SEMA3A: variants seen among roughly 807,000 people sequenced by gnomAD.
SEMA3A encodes the protein semaphorin-3A.
SEMA3A carries 29 observed loss-of-function variants against 97.9 expected under a neutral mutation model. That is an observed-to-expected ratio of 0.30 (90% CI 0.22 to 0.40). SEMA3A has a LOEUF of 0.40. Among genes scored for constraint, SEMA3A ranks in the 10% least tolerant of loss-of-function variants. The probability of loss-of-function intolerance (pLI) is 1.00; values close to 1 mark genes in which losing one functional copy is unlikely to be tolerated. For synonymous variants in SEMA3A, 321 were observed against 323.7 expected (o/e 0.99, Z 0.09); for missense variants, 763 against 951.3 (o/e 0.80, Z 2.60).
chr7:84,253,601 CA>C (rs1224546567), intron 3 of SEMA3A, among the ~76,000 whole-genome samples: 2 of 151,970 alleles, frequency 1.3e-5, no homozygotes, highest in African/African-American at 4.8e-5. Context: ...ATATTTAATA[CA>C]GGGGGTGCAA....
intron 1 of SEMA3A, among the ~76,000 whole-genome samples, chr7:84,382,526 A>G (rs946911788): frequency 6.6e-6 from 1 of 151,380 alleles, no homozygotes; most frequent in African/African-American, 2.4e-5. Context: ...ACCATTTTAG[A>G]TCCTGTTTCA....
At chr7:84,229,382 A>G (rs992822891) in intron 3 of SEMA3A, among the ~76,000 whole-genome samples, 4 of 152,158 alleles carry the variant, frequency 2.6e-5, no homozygotes. Context: ...CACAGCATTT[A>G]CTAGAATCTC....
chr7:84,311,743 C>T (rs1001250481), intron 2 of SEMA3A, among the ~76,000 whole-genome samples: 16 of 151,838 alleles, frequency 1.1e-4, no homozygotes, highest in African/African-American at 3.9e-4. Flanking sequence ...AACTAAATGT[C>T]TATTAATTTA....
At chr7:84,331,930 A>G (rs1355196091) in intron 2 of SEMA3A, among the ~76,000 whole-genome samples, 2 of 152,160 alleles carry the variant, frequency 1.3e-5, no homozygotes, top group Non-Finnish European at 2.9e-5. Context: ...CCCTTTTATT[A>G]ATGAAATGTT....
chr7:84,485,333 G>A (rs954595342), intron 1 of SEMA3A, among the ~76,000 whole-genome samples: 5 of 151,842 alleles, frequency 3.3e-5, no homozygotes, highest in South Asian at 2.1e-4. Flanking sequence ...TATTTCATGG[G>A]GTAGCTGAGA....
chr7:84,011,354 A>G, intron 7 of SEMA3A, 57 bp from the exon 8 acceptor site: 1 of 1,109,554 alleles, frequency 9.0e-7, no homozygotes, highest in Non-Finnish European at 1.4e-6. Context: ...AATTTGAAAC[A>G]TTTCTATTTT....
At chr7:83,982,163 T>TA (rs569368590) in intron 13 of SEMA3A, among the ~76,000 whole-genome samples, 2 of 145,478 alleles carry the variant, frequency 1.4e-5, no homozygotes, top group South Asian at 4.3e-4. Context: ...AGCATGAAGA[T>TA]ACCTGGATTC....
intron 1 of SEMA3A, among the ~76,000 whole-genome samples, chr7:84,458,529 A>G (rs1400806102): frequency 6.6e-6 from 1 of 151,934 alleles, no homozygotes; most frequent in East Asian, 1.9e-4. Flanking sequence ...GGAATTATTT[A>G]TTTTTCAACT....
intron 1 of SEMA3A, among the ~76,000 whole-genome samples, chr7:84,477,099 A>T (rs1266071258): frequency 1.4e-5 from 2 of 146,992 alleles, no homozygotes; most frequent in Non-Finnish European, 1.5e-5. Context: ...TATATTTTTC[A>T]AAAAAAATCC....
chr7:83,980,193 A>G (rs1789333566), intron 14 of SEMA3A, among the ~76,000 whole-genome samples: 1 of 152,110 alleles, frequency 6.6e-6, no homozygotes, highest in African/African-American at 2.4e-5. Context: ...AGTAAAGGAT[A>G]TGTTTTTGAA....
intron 6 of SEMA3A, among the ~76,000 whole-genome samples, chr7:84,023,005 T>A (rs1791385321): frequency 6.6e-6 from 1 of 152,222 alleles, no homozygotes; most frequent in Admixed American, 6.5e-5. Flanking sequence ...TTCCCCTTTA[T>A]ACCTTTACCA....
chr7:84,154,526 ATT>A (rs1796775111), intron 1 of SEMA3A, among the ~76,000 whole-genome samples: 1 of 151,846 alleles, frequency 6.6e-6, no homozygotes, highest in African/African-American at 2.4e-5. Context: ...AAATACAAAA[ATT>A]AGCCGGGCAT....
intron 2 of SEMA3A, among the ~76,000 whole-genome samples, chr7:84,134,082 CA>C (rs1796050429): frequency 6.6e-6 from 1 of 151,704 alleles, no homozygotes; most frequent in South Asian, 2.1e-4. Context: ...ACAACAACAA[CA>C]AAAATATAGC....
chr7:83,995,126 C>T (rs1790156444), intron 12 of SEMA3A, among the ~76,000 whole-genome samples: 1 of 152,186 alleles, frequency 6.6e-6, no homozygotes, highest in Non-Finnish European at 1.5e-5. Context: ...AAGGAACTCC[C>T]TGACCCCTTG....
chr7:83,999,299 T>A (rs1790343287), intron 12 of SEMA3A, among the ~76,000 whole-genome samples: 1 of 152,142 alleles, frequency 6.6e-6, no homozygotes, highest in Non-Finnish European at 1.5e-5. Flanking sequence ...TTAAAATCCT[T>A]ATTAATGTAC....
intron 1 of SEMA3A, among the ~76,000 whole-genome samples, chr7:84,156,035 T>C (rs1290162157): frequency 1.3e-5 from 2 of 152,180 alleles, no homozygotes; most frequent in Non-Finnish European, 2.9e-5. Flanking sequence ...AAAGCCCTTT[T>C]TCTGAGTTAA....
Position 83,961,487 on chromosome 7 carries a change from G to A in SEMA3A, c.2200C>T (p.Arg734Trp), listed in dbSNP as rs776695769. 30 of 1,613,840 alleles carry A rather than the reference G, an allele frequency of 1.9e-5. No individual in the cohort carries two copies. The highest frequency in any genetic ancestry group is 1.8e-4 in the East Asian group (8 of 44,880). The part of the protein sequence containing the change: ...QVWKRDRKQR[R>W]QRPGHTPGNS... ...CCTGGGGTATGTCCTGGCCTTTGCC[G>A]ACGTTGTTTTCGGTCCCTTTTCCAA... The change falls in exon 17 of 17, where the codon CGG becomes TGG. Residue 734 changes from arginine (R) to tryptophan (W), a missense_variant. Transcript: ENST00000265362.
At chr7:84,227,667 G>A (rs1237542410) in intron 3 of SEMA3A, among the ~76,000 whole-genome samples, 2 of 151,996 alleles carry the variant, frequency 1.3e-5, no homozygotes, top group Non-Finnish European at 2.9e-5. Context: ...TGATGCCTGG[G>A]GTGTGGTGAG....
intron 1 of SEMA3A, among the ~76,000 whole-genome samples, chr7:84,152,576 A>C (rs931664923): frequency 2.9e-5 from 4 of 138,488 alleles, no homozygotes; most frequent in Non-Finnish European, 6.2e-5. Flanking sequence ...TAGCATTGGG[A>C]GATATACCTA....
Sources: gnomAD v4.1 joint callset for allele counts (sites outside exome capture counted in the v4.1 genomes callset) on GRCh38, gnomAD v4.1.1 for gene constraint, MANE v1.5 for transcripts, NCBI Gene and HGNC (gene_info 2026-07-23, HGNC 2026-07-21) for gene names.